PHACTR1: variants seen among roughly 807,000 people sequenced by gnomAD.
PHACTR1 encodes phosphatase and actin regulator 1.
A neutral mutation model predicts 69.2 loss-of-function variants in PHACTR1; 16 were observed. The ratio of observed to expected loss-of-function variants is 0.23; its 90% CI spans 0.16 to 0.35. The LOEUF is 0.35. PHACTR1 is among the 10% of genes least tolerant of loss of function. The pLI is 1.00. For synonymous variants in PHACTR1, 312 were observed against 284.5 expected (o/e 1.10, Z -0.97); for missense variants, 510 against 734.7 (o/e 0.69, Z 3.54).
At chr6:12,802,491 G>A (rs1333252967) in intron 4 of PHACTR1, among the ~76,000 whole-genome samples, 1 of 152,026 alleles carries the variant, frequency 6.6e-6, no homozygotes, top group Non-Finnish European at 1.5e-5. Context: ...ATCAGAAGAG[G>A]AGCAATTAGA....
intron 4 of PHACTR1, among the ~76,000 whole-genome samples, chr6:12,948,918 T>TAA (rs1460559997): frequency 6.6e-6 from 1 of 152,212 alleles, no homozygotes; most frequent in African/African-American, 2.4e-5. Flanking sequence ...AATAAATTTT[T>TAA]ATAACAGACA....
At chr6:12,830,698 T>C (rs1323450603) in intron 4 of PHACTR1, among the ~76,000 whole-genome samples, 1 of 152,058 alleles carries the variant, frequency 6.6e-6, no homozygotes, top group East Asian at 1.9e-4. Flanking sequence ...CAAGCGATTC[T>C]CCTTCATCAG....
At chr6:13,141,360 T>G (rs532472553) in intron 5 of PHACTR1, among the ~76,000 whole-genome samples, 386 of 152,356 alleles carry the variant, frequency 2.5e-3, no homozygotes, top group African/African-American at 9.0e-3. Context: ...CCATTCATGA[T>G]GTCCTAAAGA....
chr6:13,127,955 C>T (rs1242148122), intron 5 of PHACTR1, among the ~76,000 whole-genome samples: 2 of 151,824 alleles, frequency 1.3e-5, no homozygotes, highest in African/African-American at 4.8e-5. Flanking sequence ...AGCAAACTTA[C>T]AATCATGGCG....
intron 4 of PHACTR1, among the ~76,000 whole-genome samples, chr6:12,937,362 T>G (rs1299437565): frequency 1.3e-5 from 2 of 152,174 alleles, no homozygotes; most frequent in East Asian, 1.9e-4. Context: ...GTGGATTTTT[T>G]TTTTTTGACG....
At chr6:12,859,696 A>G (rs926431729) in intron 4 of PHACTR1, among the ~76,000 whole-genome samples, 17 of 152,200 alleles carry the variant, frequency 1.1e-4, no homozygotes, top group Non-Finnish European at 1.3e-4. Context: ...ATCACCAAGT[A>G]GCCTGCCTGT....
At chr6:13,221,476 A>T (rs1263048155) in intron 8 of PHACTR1, among the ~76,000 whole-genome samples, 3 of 152,126 alleles carry the variant, frequency 2.0e-5, no homozygotes, top group Non-Finnish European at 4.4e-5. Flanking sequence ...GTTTGCAACC[A>T]TTGGGGGACC....
At chr6:12,898,585 C>G (rs1034563867) in intron 4 of PHACTR1, among the ~76,000 whole-genome samples, 3 of 152,210 alleles carry the variant, frequency 2.0e-5, no homozygotes, top group Non-Finnish European at 2.9e-5. Context: ...CTCCTTTTAT[C>G]TTGGCCGCTG....
chr6:12,768,067 A>ATC (rs1554135754), intron 4 of PHACTR1, among the ~76,000 whole-genome samples: 2 of 149,434 alleles, frequency 1.3e-5, no homozygotes, highest in Non-Finnish European at 3.0e-5. Context: ...GTACAATAAC[A>ATC]TCTCTCTCTA....
chr6:13,242,035 CAAAAAAA>C (rs747990237), intron 10 of PHACTR1, among the ~76,000 whole-genome samples: 1 of 58,612 alleles, frequency 1.7e-5, no homozygotes, highest in African/African-American at 5.1e-5. Context: ...GATTCTGTCT[CAAAAAAA>C]AAAAAAAAAA....
At chr6:13,238,891 C>T (rs1161820549) in intron 10 of PHACTR1, among the ~76,000 whole-genome samples, 1 of 152,130 alleles carries the variant, frequency 6.6e-6, no homozygotes, top group Non-Finnish European at 1.5e-5. Flanking sequence ...TCCCTGGATA[C>T]GTGTCACTGT....
intron 4 of PHACTR1, among the ~76,000 whole-genome samples, chr6:12,896,274 T>C (rs1446048586): frequency 3.3e-5 from 5 of 152,252 alleles, no homozygotes; most frequent in African/African-American, 1.2e-4. Flanking sequence ...AGTATCAGAA[T>C]AGGCTTCAAT....
intron 4 of PHACTR1, among the ~76,000 whole-genome samples, chr6:12,759,978 CT>C (rs1048471976): frequency 2.0e-5 from 3 of 152,120 alleles, no homozygotes; most frequent in African/African-American, 7.2e-5. Flanking sequence ...TAAAATAGGA[CT>C]AGTGATAGTA....
At chr6:13,247,002 G>C (rs1164400328) in intron 10 of PHACTR1, among the ~76,000 whole-genome samples, 5 of 152,186 alleles carry the variant, frequency 3.3e-5, no homozygotes, top group Non-Finnish European at 5.9e-5. Context: ...AGCATCCAAA[G>C]ATACAACCCT....
intron 6 of PHACTR1, among the ~76,000 whole-genome samples, chr6:13,169,250 A>T (rs1388690623): frequency 6.6e-6 from 1 of 152,076 alleles, no homozygotes; most frequent in Non-Finnish European, 1.5e-5. Context: ...TCCCGAGAGA[A>T]GTGAGTTTAG....
intron 4 of PHACTR1, among the ~76,000 whole-genome samples, chr6:12,920,971 T>G (rs768247268): frequency 7.2e-5 from 11 of 152,244 alleles, no homozygotes; most frequent in Non-Finnish European, 1.0e-4. Context: ...TGGCATTTGA[T>G]TTTGGTACTA....
chr6:12,880,224 T>C lies in PHACTR1; in HGVS notation c.250+130434T>C, dbSNP rs984005422. 3.3e-5 allele frequency among the ~76,000 whole-genome samples: 3 copies of C among 90,320 alleles called. No individual in the cohort carries two copies. In the Middle Eastern group the frequency reaches 0.025, roughly 740 times the overall value. 59.3% of individuals were successfully genotyped at this position (90,320 alleles called of 152,430 possible). On this transcript the variant is annotated intron_variant, in intron 4 of 14. Coordinates refer to ENST00000332995, the MANE Select transcript of PHACTR1 (RefSeq NM_030948.6). ...CAGATTGTCTCTAGAACTCATACTT[T>C]TTTTTCTTTTTTTTTTTTTTTTGAC...
At chr6:12,925,193 A>T (rs1227817949) in intron 4 of PHACTR1, among the ~76,000 whole-genome samples, 1 of 152,232 alleles carries the variant, frequency 6.6e-6, no homozygotes, top group African/African-American at 2.4e-5. Flanking sequence ...ACATCTCCCA[A>T]CAACTCCAAC....
intron 5 of PHACTR1, among the ~76,000 whole-genome samples, chr6:13,061,653 A>T (rs1807691144): frequency 6.6e-6 from 1 of 152,168 alleles, no homozygotes. Context: ...ACGGTAAATG[A>T]TCCTACTTAC....
Sources: gnomAD v4.1 joint callset for allele counts (sites outside exome capture counted in the v4.1 genomes callset) on GRCh38, gnomAD v4.1.1 for gene constraint, MANE v1.5 for transcripts, NCBI Gene and HGNC (gene_info 2026-07-23, HGNC 2026-07-21) for gene names.